The following ANKRD44 variants were observed in gnomAD, a reference collection of about 807,000 sequenced individuals.
The protein encoded by ANKRD44 is serine/threonine-protein phosphatase 6 regulatory ankyrin repeat subunit B.
A neutral mutation model predicts 116.0 loss-of-function variants in ANKRD44; 35 were observed. That is an observed-to-expected ratio of 0.30 (90% CI 0.23 to 0.40). The LOEUF is 0.40. Among genes scored for constraint, ANKRD44 ranks in the 10% least tolerant of loss-of-function variants. ANKRD44 has a pLI of 1.00. For synonymous variants in ANKRD44, 435 were observed against 461.8 expected, an observed-to-expected ratio of 0.94 and a Z score of 0.74; for missense variants, 1,014 against 1,242.6, an observed-to-expected ratio of 0.82 and a Z score of 2.77.
At position 196,989,660 on chromosome 2, in the gene ANKRD44, G is replaced by T; in HGVS notation, c.2924-11C>A. 6.5e-7 allele frequency: 1 copy of T among 1,550,148 alleles called. No homozygotes were observed. Among genetic ancestry groups the T allele is most frequent in the South Asian group, 1.2e-5 (1 of 84,056 alleles). ...CATTTGACCTAGAAGCTTTGGCAGA[G>T]GGAGCAGACACAGTATTCACTATGT... On this transcript the variant is annotated splice_polypyrimidine_tract_variant and intron_variant, in intron 27 of 27. Coordinates refer to ENST00000282272, the MANE Select transcript of ANKRD44 (RefSeq NM_001195144.2).
At chr2:197,034,069 A>AGAGAGATT (rs1329318961) in intron 16 of ANKRD44, among the ~76,000 whole-genome samples, 3 of 151,880 alleles carry the variant, frequency 2.0e-5, no homozygotes, top group Non-Finnish European at 4.4e-5. Flanking sequence ...AGAGAGAGAG[A>AGAGAGATT]GAGAGAGAGA....
intron 10 of ANKRD44, among the ~76,000 whole-genome samples, chr2:197,098,350 C>A (rs2078211223): frequency 6.6e-6 from 1 of 152,206 alleles, no homozygotes; most frequent in African/African-American, 2.4e-5. Context: ...TCCAGAACAC[C>A]TGCCCTCTGT....
At chr2:197,130,155 C>T (rs1056583370) in intron 4 of ANKRD44, among the ~76,000 whole-genome samples, 4 of 152,176 alleles carry the variant, frequency 2.6e-5, no homozygotes, top group Non-Finnish European at 4.4e-5. Flanking sequence ...GTAATCATAG[C>T]AATTTCATAT....
intron 1 of ANKRD44, among the ~76,000 whole-genome samples, chr2:197,233,738 G>T (rs1450533039): frequency 6.6e-6 from 1 of 152,198 alleles, no homozygotes; most frequent in African/African-American, 2.4e-5. Flanking sequence ...AACAATGCAA[G>T]TAAGCATTTT....
chr2:197,160,566 C>T (rs2079935320), intron 2 of ANKRD44, among the ~76,000 whole-genome samples: 1 of 152,154 alleles, frequency 6.6e-6, no homozygotes, highest in African/African-American at 2.4e-5. Context: ...TAACTGAAGC[C>T]TCTCTCATAC....
At chr2:197,258,270 C>CTTTCT (rs1553541892) in intron 1 of ANKRD44, among the ~76,000 whole-genome samples, 16 of 79,226 alleles carry the variant, frequency 2.0e-4, no homozygotes, top group Admixed American at 8.3e-4. Context: ...TTGGCTAATC[C>CTTTCT]TTTTTTTTTT....
intron 2 of ANKRD44, among the ~76,000 whole-genome samples, chr2:197,175,966 C>T (rs1043466309): frequency 6.6e-6 from 1 of 152,124 alleles, no homozygotes. Flanking sequence ...AATGCAGTTC[C>T]GGACAATATA....
chr2:197,045,461 A>C (rs1161034296), intron 16 of ANKRD44, among the ~76,000 whole-genome samples: 4 of 151,096 alleles, frequency 2.6e-5, no homozygotes, highest in African/African-American at 9.7e-5. Flanking sequence ...ATTCATTCAT[A>C]GCCTAAAAGC....
intron 6 of ANKRD44, among the ~76,000 whole-genome samples, chr2:197,123,050 G>T (rs2078894618): frequency 6.6e-6 from 1 of 152,182 alleles, no homozygotes. Context: ...GGTGATGCTT[G>T]TTACCACACT....
At chr2:197,035,667 A>AGTCTCTCTCCCATTCTGCTT in intron 16 of ANKRD44, among the ~76,000 whole-genome samples, 1 of 152,090 alleles carries the variant, frequency 6.6e-6, no homozygotes, top group East Asian at 1.9e-4. Context: ...TGTGTCACAA[A>AGTCTCTCTCCCATTCTGCTT]GTCTCTCTCC....
At chr2:197,179,184 C>G (rs146525680) in intron 2 of ANKRD44, among the ~76,000 whole-genome samples, 2,983 of 152,306 alleles carry the variant, frequency 0.02, 49 homozygotes, top group South Asian at 0.036. Context: ...CATTAACATA[C>G]TGTTTTGATT....
intron 1 of ANKRD44, among the ~76,000 whole-genome samples, chr2:197,198,322 A>G (rs921855938): frequency 6.6e-6 from 1 of 152,214 alleles, no homozygotes; most frequent in South Asian, 2.1e-4. Context: ...GTGACCTAAG[A>G]TTTGTGCTTT....
At chr2:197,152,696 G>A (rs1403531258) in intron 2 of ANKRD44, among the ~76,000 whole-genome samples, 2 of 152,220 alleles carry the variant, frequency 1.3e-5, no homozygotes, top group African/African-American at 2.4e-5. Flanking sequence ...CATTCTGGTA[G>A]CTAAAAATAC....
Position 197,231,555 on chromosome 2 carries a change from C to T in ANKRD44, c.28-44449G>A, listed in dbSNP as rs182758046. The stretch of plus-strand genomic sequence containing the variant: ...TATGTTCCTCTAGGCCAGTGCTTCT[C>T]GACAGGGCAGTTTGCCTTGGCAAGG... On this transcript the variant is annotated intron_variant, in intron 1 of 27. Transcript: ENST00000282272. Among the ~76,000 whole-genome samples, 614 of 152,152 alleles carry T rather than the reference C, an allele frequency of 4.0e-3. 16 individuals are homozygous for T. Among genetic ancestry groups the T allele is most frequent in the Admixed American group, 0.035 (536 of 15,288 alleles).
chr2:197,061,634 G>A (rs1377344329), intron 16 of ANKRD44, among the ~76,000 whole-genome samples: 1 of 152,210 alleles, frequency 6.6e-6, no homozygotes, highest in Non-Finnish European at 1.5e-5. Flanking sequence ...TATGGGGGCA[G>A]GGCCAAAGAA....
At chr2:197,250,829 T>C (rs2105657396) in intron 1 of ANKRD44, 1 of 152,328 alleles carries the variant, frequency 6.6e-6, no homozygotes, top group East Asian at 1.9e-4. Flanking sequence ...CATGGGTAAC[T>C]GCAAAAATGT....
At chr2:197,114,371 AG>A (rs1277008831) in intron 8 of ANKRD44, among the ~76,000 whole-genome samples, 1 of 152,234 alleles carries the variant, frequency 6.6e-6, no homozygotes, top group East Asian at 1.9e-4. Context: ...TAATTAAGCA[AG>A]AAGCACTTCT....
rs538957090 is a variant in ANKRD44 at position 197,139,044 on chromosome 2, G to C, written c.191-2382C>G. Among the ~76,000 whole-genome samples the C allele has an allele frequency of 5.9e-5, 9 of 152,170 alleles. No homozygotes were observed. In the South Asian group the frequency reaches 1.9e-3, roughly 32 times the overall value. ...TGTGACGAGGCCAAGATTTGGCAAG[G>C]GTATGGAGCAACAGGAAAACTTAAC... On this transcript the variant is annotated intron_variant, in intron 3 of 27. Transcript: ENST00000282272.
intron 10 of ANKRD44, among the ~76,000 whole-genome samples, chr2:197,095,193 AT>A (rs529089522): frequency 5.9e-5 from 9 of 152,120 alleles, no homozygotes; most frequent in South Asian, 2.1e-4. Context: ...GCATAAAAGC[AT>A]TTTTTTTGAC....
Sources: gnomAD v4.1 joint callset for allele counts (sites outside exome capture counted in the v4.1 genomes callset) on GRCh38, gnomAD v4.1.1 for gene constraint, MANE v1.5 for transcripts, NCBI Gene and HGNC (gene_info 2026-07-23, HGNC 2026-07-21) for gene names.